Variants in STX2 observed in about 807,000 individuals in gnomAD.
STX2 encodes the protein syntaxin 2, also known as syntaxin-2.
In STX2, 27 loss-of-function variants were observed where a neutral mutation model predicts 40.6. The observed-to-expected ratio is 0.66, with a 90% CI of 0.49 to 0.92. The LOEUF is 0.92. STX2 is among the 40% of genes least tolerant of loss of function. The probability of loss-of-function intolerance (pLI) is 0.00; values close to 1 mark genes in which losing one functional copy is unlikely to be tolerated. For missense variants in STX2, 328 were observed against 366.1 expected (o/e 0.90, Z 0.85); for synonymous variants, 123 against 119.1 (o/e 1.03, Z -0.22).
At chr12:130,806,344 G>A (rs1951433389) in intron 6 of STX2, among the ~76,000 whole-genome samples, 1 of 152,224 alleles carries the variant, frequency 6.6e-6, no homozygotes, top group South Asian at 2.1e-4. Context: ...TCACAGCACA[G>A]CAGGCAACCT....
intron 1 of STX2, among the ~76,000 whole-genome samples, chr12:130,828,877 AAAAAG>A (rs1406640695): frequency 2.1e-4 from 32 of 149,474 alleles, no homozygotes; most frequent in Admixed American, 3.3e-4. Context: ...CAAAAAAAAA[AAAAAG>A]AAAAGAAAAG....
intron 4 of STX2, 99 bp downstream of exon 4, chr12:130,812,858 A>T: frequency 1.2e-6 from 1 of 829,448 alleles, no homozygotes; most frequent in Non-Finnish European, 1.9e-6. Flanking sequence ...TCACTATTTT[A>T]ATTTTTAAAA....
In STX2 at chr12:130,821,672, G is replaced by C; in HGVS notation, c.205+17C>G. On this transcript the variant is annotated intron_variant, in intron 3 of 10. Transcript: ENST00000392373. ...CACAGACAGACAAACGTTTTGTTGT[G>C]AAAACCAACAACTTACTTCCTTCCG... The C allele has an allele frequency of 6.2e-7, 1 of 1,604,458 alleles. No homozygotes were observed. Among genetic ancestry groups the C allele is most frequent in the Non-Finnish European group, 8.5e-7 (1 of 1,171,260 alleles).
At position 130,821,802 on chromosome 12, in the gene STX2, A is replaced by T; in HGVS notation, c.106-14T>A. 1 of 1,570,432 alleles carries T rather than the reference A, an allele frequency of 6.4e-7. No individual in the cohort carries two copies. The highest frequency in any genetic ancestry group is 8.8e-7 in the Non-Finnish European group (1 of 1,141,536). On this transcript the variant is annotated splice_polypyrimidine_tract_variant and intron_variant, in intron 2 of 10. Coordinates refer to ENST00000392373, the MANE Select transcript of STX2 (RefSeq NM_194356.4). Reference sequence around the variant, plus strand: ...AATCTCCTCCACCTAGGAGAGAGAGAGAGTCATTACAGCATGGCAAACTCA... The same window carrying T: ...AATCTCCTCCACCTAGGAGAGAGAGTGAGTCATTACAGCATGGCAAACTCA...
At chr12:130,794,845 T>C (rs1051044944) in intron 10 of STX2, among the ~76,000 whole-genome samples, 2 of 152,222 alleles carry the variant, frequency 1.3e-5, no homozygotes, top group African/African-American at 4.8e-5. Flanking sequence ...AACCCAAGAA[T>C]AAATTCATTG....
At chr12:130,838,952 C>G in intron 1 of STX2, 118 bp downstream of exon 1, 1 of 1,095,576 alleles carries the variant, frequency 9.1e-7, no homozygotes, top group Non-Finnish European at 1.2e-6. Context: ...CCCAGAACGC[C>G]GGAGATCCCC....
intron 9 of STX2, among the ~76,000 whole-genome samples, chr12:130,796,734 C>T (rs911424157): frequency 5.3e-5 from 8 of 152,174 alleles, no homozygotes; most frequent in Non-Finnish European, 1.0e-4. Flanking sequence ...TACAGAGGTG[C>T]GGGCCTGCTA....
At chr12:130,807,620 G>C (rs2136271831) in intron 5 of STX2, among the ~76,000 whole-genome samples, 1 of 152,270 alleles carries the variant, frequency 6.6e-6, no homozygotes, top group Middle Eastern at 3.4e-3. Flanking sequence ...CGAGGCCTCA[G>C]GGCTCTGTCT....
intron 1 of STX2, among the ~76,000 whole-genome samples, chr12:130,828,535 C>A (rs1952418656): frequency 6.6e-6 from 1 of 151,690 alleles, no homozygotes; most frequent in African/African-American, 2.4e-5. Context: ...CCACTTCGCC[C>A]AGCCTGTACA....
intron 9 of STX2, 114 bp downstream of exon 9, chr12:130,798,411 T>G: frequency 5.1e-6 from 3 of 582,700 alleles, no homozygotes; most frequent in Non-Finnish European, 8.2e-6. Context: ...AAATAAAACA[T>G]TTATTAATTA....
intron 2 of STX2, among the ~76,000 whole-genome samples, chr12:130,823,816 CA>C (rs1380246427): frequency 6.6e-5 from 10 of 152,142 alleles, no homozygotes; most frequent in African/African-American, 9.7e-5. Context: ...AATAGATCTC[CA>C]AAAAATCGGT....
Position 130,801,273 on chromosome 12 carries a change from T to G in STX2, c.555A>C (p.Gln185His), listed in dbSNP as rs780153296. 1 of 1,612,504 alleles carries G rather than the reference T, an allele frequency of 6.2e-7. No homozygotes were observed. Among genetic ancestry groups the G allele is most frequent in the Non-Finnish European group, 8.5e-7 (1 of 1,178,944 alleles). The change falls in exon 8 of 11, where the codon CAA becomes CAC. Residue 185 changes from glutamine (Q) to histidine (H), a missense_variant. Coordinates refer to ENST00000392373, the MANE Select transcript of STX2 (RefSeq NM_194356.4). ...IFTSDIISDS[Q>H]ITRQALNEIE... ...TTTCATTGAGAGCTTGTCTAGTAAT[T>G]TGTGAATCTGATATAATCTTGGAAA...
In STX2 at chr12:130,827,220, A is replaced by G; in HGVS notation, c.78T>C (p.Asp26=). 1 of 1,613,886 alleles carries G rather than the reference A, an allele frequency of 6.2e-7. No homozygotes were observed. Among genetic ancestry groups the G allele is most frequent in the Non-Finnish European group, 8.5e-7 (1 of 1,179,916 alleles). ...DGDTVVVVEK[D]HFMDDFFHQV... ...GATGGAAGAAATCATCCATGAAATG[A>G]TCTTTCTCAACCACAACAACTGTGT... The change falls in exon 2 of 11, where the codon GAT becomes GAC. Residue 26 remains aspartate, a synonymous_variant. Coordinates refer to ENST00000392373, the MANE Select transcript of STX2 (RefSeq NM_194356.4).
Position 130,839,184 on chromosome 12 carries a change from T to A in STX2, c.-85A>T. The A allele has an allele frequency of 1.8e-6, 2 of 1,087,968 alleles. No individual in the cohort carries two copies. The highest frequency in any genetic ancestry group is 2.2e-6 in the Non-Finnish European group (2 of 891,260). The allele number at this position is 1,087,968 out of a possible 1,614,324, so 67.4% of individuals were successfully genotyped here. The stretch of plus-strand genomic sequence containing the variant: ...GGCCTCGGGCTCTCCGGTCTCCGCC[T>A]CAGGCCCCGCGGTCCCGGCCCGGCG... On this transcript the variant is annotated 5_prime_UTR_variant, in exon 1 of 11. Transcript: ENST00000392373.
chr12:130,818,205 T>TATATATATAC (rs1565924715), intron 3 of STX2, among the ~76,000 whole-genome samples: 8 of 117,840 alleles, frequency 6.8e-5, no homozygotes, highest in African/African-American at 3.2e-4. Context: ...TATATATATA[T>TATATATATAC]ATATATATAT....
intron 3 of STX2, among the ~76,000 whole-genome samples, chr12:130,817,448 G>A (rs547621677): frequency 2.4e-4 from 36 of 152,184 alleles, no homozygotes; most frequent in African/African-American, 8.7e-4. Context: ...GAACAAAAGA[G>A]GAGAGACAGA....
chr12:130,818,179 A>ATATATAT (rs1951937454), intron 3 of STX2, among the ~76,000 whole-genome samples: 2 of 19,416 alleles, frequency 1.0e-4, no homozygotes, highest in African/African-American at 3.4e-4. Context: ...ACAAAAAAAA[A>ATATATAT]AAAAAAATAT....
intron 2 of STX2, among the ~76,000 whole-genome samples, chr12:130,826,472 C>T (rs371244590): frequency 6.6e-6 from 1 of 152,212 alleles, no homozygotes; most frequent in South Asian, 2.1e-4. Context: ...CAGCAGAGGG[C>T]GCTGCAGGCC....
chr12:130,803,571 G>T (rs1951307460), intron 6 of STX2, among the ~76,000 whole-genome samples: 1 of 151,174 alleles, frequency 6.6e-6, no homozygotes, highest in Admixed American at 6.6e-5. Flanking sequence ...AGAGGCTGAG[G>T]TGGGAGGATC....
Sources: allele counts gnomAD v4.1 joint callset (sites outside exome capture counted in the v4.1 genomes callset), GRCh38; gene constraint gnomAD v4.1.1; transcripts MANE v1.5; gene names NCBI Gene and HGNC (gene_info 2026-07-23, HGNC 2026-07-21).